Variants in B4GALT1 observed in about 807,000 individuals in gnomAD.
B4GALT1 encodes beta-1,4-galactosyltransferase 1.
Under a neutral mutation model 34.9 loss-of-function variants are expected in B4GALT1, and 16 were observed. The ratio of observed to expected loss-of-function variants is 0.46; its 90% CI spans 0.31 to 0.70. B4GALT1 has a LOEUF of 0.70. Among genes scored for constraint, B4GALT1 ranks in the 30% least tolerant of loss-of-function variants. The pLI, the probability that B4GALT1 is intolerant of heterozygous loss-of-function variation, is 0.05. For missense variants in B4GALT1, 445 were observed against 530.5 expected (o/e 0.84, Z 1.58); for synonymous variants, 221 against 218.1 (o/e 1.01, Z -0.12).
At chr9:33,120,919 A>G (rs1840012692) in intron 2 of B4GALT1, among the ~76,000 whole-genome samples, 1 of 152,266 alleles carries the variant, frequency 6.6e-6, no homozygotes, top group Non-Finnish European at 1.5e-5. Context: ...AATAAATCAT[A>G]GTACATCCAT....
intron 2 of B4GALT1, among the ~76,000 whole-genome samples, chr9:33,133,558 G>T (rs1840224307): frequency 6.6e-6 from 1 of 152,156 alleles, no homozygotes; most frequent in Non-Finnish European, 1.5e-5. Context: ...AATATGTGTT[G>T]GGTTAAAGTG....
intron 1 of B4GALT1, among the ~76,000 whole-genome samples, chr9:33,137,633 T>C (rs1163669055): frequency 8.5e-6 from 1 of 117,826 alleles, no homozygotes; most frequent in Non-Finnish European, 2.0e-5. Context: ...AAGTACAGCA[T>C]CTCGGGCCCT....
intron 1 of B4GALT1, among the ~76,000 whole-genome samples, chr9:33,140,573 A>G (rs1395795340): frequency 6.6e-6 from 1 of 152,236 alleles, no homozygotes; most frequent in Non-Finnish European, 1.5e-5. Context: ...AGGAAATCCA[A>G]GTATTCAGGA....
At chr9:33,166,485 T>G (rs1267174676) in intron 1 of B4GALT1, among the ~76,000 whole-genome samples, 2 of 152,190 alleles carry the variant, frequency 1.3e-5, no homozygotes, top group East Asian at 3.9e-4. Context: ...CAGGGAAGTC[T>G]CCAAGGCCTT....
At chr9:33,175,370 G>A in the B4GALT1 span, among the ~76,000 whole-genome samples, 1 of 151,946 alleles carries the variant, frequency 6.6e-6, no homozygotes, top group Admixed American at 6.6e-5. Flanking sequence ...AACTTGGATG[G>A]GGACTAAGCA....
chr9:33,183,669 T>C, the B4GALT1 span, among the ~76,000 whole-genome samples: 1 of 138,768 alleles, frequency 7.2e-6, no homozygotes, highest in African/African-American at 2.7e-5. Flanking sequence ...CATTGGGAGA[T>C]ATACCCAATG....
At chr9:33,172,467 T>C in the B4GALT1 span, among the ~76,000 whole-genome samples, 1 of 152,208 alleles carries the variant, frequency 6.6e-6, no homozygotes, top group Non-Finnish European at 1.5e-5. Context: ...GCCCTGTTTG[T>C]TCCAACTGAT....
rs772326863 is a variant in B4GALT1 at position 33,166,842 on chromosome 9, G to T, written c.328C>A (p.Pro110Thr). ...SSPVVDSGPG[P>T]ASNLTSVPVP... ...GGGACCGAGGTCAAGTTGCTAGCGG[G>T]GCCAGGGCCAGAATCCACGACTGGG... The change falls in exon 1 of 6, where the codon CCC (proline) becomes ACC (threonine). Residue 110 changes from proline to threonine, a missense_variant. Physicochemically the swap from Pro to Thr is conservative, Grantham distance 38 (BLOSUM62 -1). Coordinates refer to ENST00000379731, the MANE Select transcript of B4GALT1 (RefSeq NM_001497.4). The T allele has an allele frequency of 1.3e-5, 20 of 1,559,610 alleles. No individual in the cohort carries two copies. In the East Asian group the frequency reaches 4.3e-4, roughly 34 times the overall value.
At chr9:33,129,687 T>A (rs1403020866) in intron 2 of B4GALT1, among the ~76,000 whole-genome samples, 1 of 152,150 alleles carries the variant, frequency 6.6e-6, no homozygotes, top group Non-Finnish European at 1.5e-5. Flanking sequence ...AATCATCCCT[T>A]TCCAGAAAGT....
chr9:33,170,914 G>A (rs1254811253), upstream of B4GALT1, among the ~76,000 whole-genome samples: 1 of 152,198 alleles, frequency 6.6e-6, no homozygotes, highest in Non-Finnish European at 1.5e-5. Context: ...AGTGCTGATT[G>A]GCCAAAAGCT....
chr9:33,120,631 TATCAAATG>T, intron 2 of B4GALT1, 25 bp from the exon 3 acceptor site: 1 of 1,612,924 alleles, frequency 6.2e-7, no homozygotes, highest in Non-Finnish European at 8.5e-7. Context: ...AAAACAGTGA[TATCAAATG>T]CCTTAAAGCC....
At chr9:33,110,142 A>G (rs182666563), downstream of B4GALT1, among the ~76,000 whole-genome samples, 38 of 152,352 alleles carry the variant, frequency 2.5e-4, no homozygotes, top group East Asian at 5.4e-3. Flanking sequence ...CAATCCAACC[A>G]GCCTGACCCA....
chr9:33,115,882 G>C (rs1160371167), intron 4 of B4GALT1, 109 bp downstream of exon 4: 1 of 1,402,254 alleles, frequency 7.1e-7, no homozygotes, highest in African/African-American at 1.4e-5. Flanking sequence ...GGGCTGACTA[G>C]GGGTGCATCC....
At chr9:33,155,948 A>G (rs574678556) in intron 1 of B4GALT1, among the ~76,000 whole-genome samples, 4 of 152,144 alleles carry the variant, frequency 2.6e-5, no homozygotes, top group Non-Finnish European at 5.9e-5. Flanking sequence ...GGTCTCTAGG[A>G]ACAATATACT....
chr9:33,129,368 C>CATTG (rs1223590027), intron 2 of B4GALT1, among the ~76,000 whole-genome samples: 2 of 152,226 alleles, frequency 1.3e-5, no homozygotes, highest in Non-Finnish European at 2.9e-5. Context: ...CTCTGGTCAG[C>CATTG]ATTGAGCTGG....
At chr9:33,130,095 G>C (rs1840172070) in intron 2 of B4GALT1, among the ~76,000 whole-genome samples, 1 of 152,268 alleles carries the variant, frequency 6.6e-6, no homozygotes, top group African/African-American at 2.4e-5. Flanking sequence ...GAATTGGAGA[G>C]ACCAGTTCTG....
At chr9:33,137,723 G>A (rs1287117077) in intron 1 of B4GALT1, among the ~76,000 whole-genome samples, 1 of 152,186 alleles carries the variant, frequency 6.6e-6, no homozygotes, top group Non-Finnish European at 1.5e-5. Context: ...CACTGGGCAA[G>A]CTGGGTAGTA....
chr9:33,162,892 A>G (rs911183969), intron 1 of B4GALT1, among the ~76,000 whole-genome samples: 1 of 152,228 alleles, frequency 6.6e-6, no homozygotes, highest in African/African-American at 2.4e-5. Flanking sequence ...AAAGCAAACC[A>G]AATAGTCATG....
the B4GALT1 span, among the ~76,000 whole-genome samples, chr9:33,184,289 A>AC: frequency 5.5e-4 from 56 of 100,928 alleles, no homozygotes; most frequent in African/African-American, 1.1e-3. Flanking sequence ...CACACACACA[A>AC]AAACATAGGA....
Sources: gnomAD v4.1 joint callset for allele counts (sites outside exome capture counted in the v4.1 genomes callset) on GRCh38, gnomAD v4.1.1 for gene constraint, MANE v1.5 for transcripts, NCBI Gene and HGNC (gene_info 2026-07-23, HGNC 2026-07-21) for gene names.